Variants in LYG2 observed in about 807,000 individuals in gnomAD.
LYG2 encodes the protein lysozyme g-like protein 2.
In LYG2, 25 loss-of-function variants were observed where a neutral mutation model predicts 22.4. The ratio of observed to expected loss-of-function variants is 1.12; its 90% CI spans 0.81 to 1.56. The LOEUF is 1.56. LYG2 is among the 40% of genes most tolerant of loss of function. The pLI, the probability that LYG2 is intolerant of heterozygous loss-of-function variation, is 0.00. For missense variants in LYG2, 266 were observed against 269.5 expected (o/e 0.99, Z 0.09); for synonymous variants, 88 against 97.0 (o/e 0.91, Z 0.55).
intron 3 of LYG2, among the ~76,000 whole-genome samples, chr2:99,251,379 C>G (rs2105274339): frequency 6.6e-6 from 1 of 152,156 alleles, no homozygotes; most frequent in South Asian, 2.1e-4. Context: ...CATAAATAAT[C>G]ACAAGAAAAT....
intron 5 of LYG2, 37 bp downstream of exon 5, chr2:99,245,225 A>T: frequency 6.5e-7 from 1 of 1,528,246 alleles, no homozygotes; most frequent in Non-Finnish European, 8.8e-7. Flanking sequence ...GTGAGGAGGG[A>T]TGCAGTGGGG....
chr2:99,260,008 C>A (rs1330875306), upstream of LYG2, among the ~76,000 whole-genome samples: 1 of 145,062 alleles, frequency 6.9e-6, no homozygotes, highest in Non-Finnish European at 1.5e-5. Flanking sequence ...TCAGCCTGGG[C>A]TGGAGGGCAG....
the LYG2 span, among the ~76,000 whole-genome samples, chr2:99,260,985 T>C: frequency 3.3e-5 from 5 of 152,102 alleles, no homozygotes; most frequent in African/African-American, 7.2e-5. Flanking sequence ...CCCGGTAGAA[T>C]TGGAGAGACA....
intron 3 of LYG2, among the ~76,000 whole-genome samples, chr2:99,251,574 T>G (rs1427406448): frequency 6.6e-6 from 1 of 152,178 alleles, no homozygotes; most frequent in Non-Finnish European, 1.5e-5. Flanking sequence ...ATGTGAAATA[T>G]CTGAATGCAT....
rs1272979120 is a variant in LYG2 at position 99,242,473 on chromosome 2, G to C, written c.530C>G (p.Ser177Ter). 4 of 1,605,256 alleles carry C rather than the reference G, an allele frequency of 2.5e-6. No individual in the cohort carries two copies. The highest frequency in any genetic ancestry group is 3.4e-6 in the Non-Finnish European group (4 of 1,173,302). Residue 177 changes from serine to a stop codon, truncating the protein, a stop_gained, in exon 7 of 7, where the codon TCA becomes TGA. Transcript: ENST00000333017. LOFTEE classifies it high-confidence loss of function. ...CGCTTCAATTCCTGACTTAAAAGCT[G>C]AGAGACCACCTGAAATGAAACACAG... ...SVAQHLKGGL[S>*]AFKSGIEAIA...
intron 6 of LYG2, among the ~76,000 whole-genome samples, chr2:99,242,807 T>C (rs959058262): frequency 2.6e-5 from 4 of 152,236 alleles, no homozygotes; most frequent in Admixed American, 2.6e-4. Context: ...TCTCATTTAT[T>C]CAATAATTCA....
At chr2:99,261,392 A>G in the LYG2 span, among the ~76,000 whole-genome samples, 1 of 152,114 alleles carries the variant, frequency 6.6e-6, no homozygotes, top group Non-Finnish European at 1.5e-5. Flanking sequence ...CAGTTACAAC[A>G]AACAGTAGCA....
chr2:99,242,409 A>C lies in LYG2; in HGVS notation c.594T>G (p.Asn198Lys). 6.2e-7 allele frequency: 1 copy of C among 1,613,928 alleles called. No homozygotes were observed. The highest frequency in any genetic ancestry group is 8.5e-7 in the Non-Finnish European group (1 of 1,179,846). The change falls in exon 7 of 7, where the codon AAT (asparagine) becomes AAG (lysine). Residue 198 changes from asparagine (N) to lysine (K), a missense_variant. Transcript: ENST00000333017. ...TPSDIDNDFV[N>K]DIIARAKFYK... ...AGAACTTAGCTCGAGCAATGATATC[A>C]TTGACGAAGTCATTGTCTATGTCCG...
intron 4 of LYG2, among the ~76,000 whole-genome samples, chr2:99,245,978 G>A (rs1451079997): frequency 6.6e-6 from 1 of 152,096 alleles, no homozygotes; most frequent in Non-Finnish European, 1.5e-5. Context: ...CTTGGTGGCA[G>A]GCACCTGTAA....
intron 3 of LYG2, among the ~76,000 whole-genome samples, chr2:99,248,792 A>G (rs1397885161): frequency 6.6e-6 from 1 of 151,540 alleles, no homozygotes; most frequent in East Asian, 1.9e-4. Flanking sequence ...AAAAAAACCA[A>G]TTTGCCTTTG....
chr2:99,249,553 G>A (rs13005418), intron 3 of LYG2, among the ~76,000 whole-genome samples: 127,747 of 151,772 alleles, frequency 0.84, 54,136 homozygotes, highest in East Asian at 0.96. Context: ...ACCTGAGGTC[G>A]GGAGTTCAAG....
intron 6 of LYG2, chr2:99,243,354 C>T: frequency 7.3e-7 from 1 of 1,365,364 alleles, no homozygotes; most frequent in East Asian, 2.6e-5. Flanking sequence ...GGCCTGTGGT[C>T]AGCCAAGCAG....
chr2:99,257,942 G>A (rs1245759280), upstream of LYG2, among the ~76,000 whole-genome samples: 1 of 152,152 alleles, frequency 6.6e-6, no homozygotes, highest in Non-Finnish European at 1.5e-5. Context: ...AGGAGTTCCT[G>A]GCAAGACTTC....
At chr2:99,260,979 G>A in the LYG2 span, among the ~76,000 whole-genome samples, 1 of 152,146 alleles carries the variant, frequency 6.6e-6, no homozygotes, top group African/African-American at 2.4e-5. Context: ...AAGCTACCCG[G>A]TAGAATTGGA....
At position 99,245,372 on chromosome 2, in the gene LYG2, G is replaced by A. The variant is rs1574862305; in HGVS notation, c.271C>T (p.His91Tyr). 5.6e-6 allele frequency: 9 copies of A among 1,613,198 alleles called. No individual in the cohort carries two copies. Among genetic ancestry groups the A allele is most frequent in the African/African-American group, 2.7e-5 (2 of 74,854 alleles). ...QTLIKEVGQR[H>Y]CVDPAVIAAI... The stretch of plus-strand genomic sequence containing the variant: ...GCGATGACAGCAGGGTCCACGCAAT[G>A]TCTCTGCCCGACTTCTTTGATCAGA... The change falls in exon 5 of 7, where the codon CAT becomes TAT. Residue 91 changes from histidine (H) to tyrosine (Y), a missense_variant. Physicochemically the swap from His to Tyr is moderately conservative, Grantham distance 83. Coordinates refer to ENST00000333017, the MANE Select transcript of LYG2 (RefSeq NM_175735.4).
intron 3 of LYG2, among the ~76,000 whole-genome samples, chr2:99,252,693 G>C (rs2094028772): frequency 6.6e-6 from 1 of 152,130 alleles, no homozygotes; most frequent in Non-Finnish European, 1.5e-5. Flanking sequence ...GTCTTTGCCA[G>C]GCTCACTGTG....
At chr2:99,259,265 G>T (rs979198136), upstream of LYG2, among the ~76,000 whole-genome samples, 4 of 151,756 alleles carry the variant, frequency 2.6e-5, no homozygotes, top group African/African-American at 9.7e-5. Flanking sequence ...TTCACAGATT[G>T]TAAGTTCTGC....
At chr2:99,246,073 A>T (rs2094015631) in intron 4 of LYG2, among the ~76,000 whole-genome samples, 1 of 152,114 alleles carries the variant, frequency 6.6e-6, no homozygotes, top group African/African-American at 2.4e-5. Context: ...ATGCCATCGC[A>T]CTCCAGCCTG....
In LYG2 at chr2:99,254,202, T is replaced by C; in HGVS notation, c.43+16A>G. 6.2e-7 allele frequency: 1 copy of C among 1,612,056 alleles called. No homozygotes were observed. The highest frequency in any genetic ancestry group is 1.1e-5 in the South Asian group (1 of 91,038). ...GACACCCTGTGAACAATGCTAAATC[T>C]CAGCCAGTGACTTACCAATGAGGGC... On this transcript the variant is annotated intron_variant, in intron 3 of 6. Transcript: ENST00000333017.
Sources: allele counts gnomAD v4.1 joint callset (sites outside exome capture counted in the v4.1 genomes callset), GRCh38; gene constraint gnomAD v4.1.1; transcripts MANE v1.5; gene names NCBI Gene and HGNC (gene_info 2026-07-23, HGNC 2026-07-21).